The following RRAS2 variants were observed in gnomAD, a reference collection of about 807,000 sequenced individuals.
RRAS2 encodes ras-related protein R-Ras2.
In RRAS2, 7 loss-of-function variants were observed where a neutral mutation model predicts 27.6. The observed-to-expected ratio is 0.25, with a 90% CI of 0.14 to 0.48. RRAS2 has a LOEUF of 0.48. RRAS2 is among the 20% of genes least tolerant of loss of function. RRAS2 has a pLI of 0.99. For synonymous variants in RRAS2, 86 were observed against 90.9 expected (o/e 0.95, Z 0.31); for missense variants, 178 against 256.2 (o/e 0.69, Z 2.08).
At chr11:14,334,190 A>G (rs1201890489) in intron 1 of RRAS2, among the ~76,000 whole-genome samples, 4 of 152,204 alleles carry the variant, frequency 2.6e-5, no homozygotes, top group Non-Finnish European at 5.9e-5. Context: ...GCAGCACGAG[A>G]GTGCCCATTT....
At chr11:14,345,865 C>A (rs1591486997) in intron 1 of RRAS2, among the ~76,000 whole-genome samples, 1 of 152,134 alleles carries the variant, frequency 6.6e-6, no homozygotes, top group Admixed American at 6.5e-5. Context: ...AATCTCAGTA[C>A]CCCAAGGCAA....
intron 1 of RRAS2, chr11:14,356,757 T>A (rs1554955472): frequency 2.2e-6 from 1 of 453,060 alleles, no homozygotes; most frequent in South Asian, 1.6e-5. Context: ...AGGTATTTCT[T>A]CAACAAATGA....
At position 14,358,748 on chromosome 11, in the gene RRAS2, G is replaced by A. The variant is rs1200897074; in HGVS notation, c.108+15C>T. 15 of 1,386,990 alleles carry A rather than the reference G, an allele frequency of 1.1e-5. No homozygotes were observed. The highest frequency in any genetic ancestry group is 2.2e-5 in the Admixed American group (1 of 45,668). The allele number at this position is 1,386,990 out of a possible 1,614,324, so 85.9% of individuals were successfully genotyped here. A position where few individuals can be genotyped will look rare whatever the true frequency, so the allele number is the denominator to read the frequency against. On this transcript the variant is annotated intron_variant, in intron 1 of 5. Coordinates refer to ENST00000256196, the MANE Select transcript of RRAS2 (RefSeq NM_012250.6). The surrounding 1 kb of genome is among the most constrained non-coding windows in gnomAD (Gnocchi z 5.1). ...GCCGCCGCTCCGGCGCCCCGGGCAGGCCCGCTCCAGGTACCTGGATGAACT... is the reference window on the plus strand; with the variant it reads ...GCCGCCGCTCCGGCGCCCCGGGCAGACCCGCTCCAGGTACCTGGATGAACT...
rs1848718840 is a variant in RRAS2, at chr11:14,342,066, A to G, written c.108+16697T>C. ...AGTAGCCATCAATTGCAGTTTTAAT[A>G]GAAATACAAATACATCAAGTGTGCT... On this transcript the variant is annotated intron_variant, in intron 1 of 5. Coordinates refer to ENST00000256196, the MANE Select transcript of RRAS2 (RefSeq NM_012250.6). The G allele has an allele frequency of 6.5e-6, 4 of 611,846 alleles. No homozygotes were observed. In the South Asian group the frequency reaches 1.6e-4, roughly 25 times the overall value. 37.9% of individuals were successfully genotyped at this position (611,846 alleles called of 1,614,324 possible).
chr11:14,334,463 C>A (rs1848549946), intron 1 of RRAS2, among the ~76,000 whole-genome samples: 1 of 151,760 alleles, frequency 6.6e-6, no homozygotes, highest in South Asian at 2.1e-4. Context: ...ATATATAATT[C>A]TGATATATCC....
chr11:14,364,421 T>C (rs1849228040), exon 1 of RRAS2: 3 of 1,535,492 alleles, frequency 2.0e-6, no homozygotes, highest in Admixed American at 3.9e-5. Flanking sequence ...CATCCACTTA[T>C]TTCCTTAATG....
At chr11:14,361,052 G>A (rs1191590535), upstream of RRAS2, among the ~76,000 whole-genome samples, 8 of 151,290 alleles carry the variant, frequency 5.3e-5, no homozygotes, top group East Asian at 1.2e-3. Flanking sequence ...TCGGGAGGCC[G>A]AGGGAGGCGG....
intron 5 of RRAS2, among the ~76,000 whole-genome samples, chr11:14,280,283 TA>T (rs1229993570): frequency 3.3e-5 from 5 of 149,624 alleles, no homozygotes; most frequent in South Asian, 2.1e-4. Flanking sequence ...CTCTTACCAT[TA>T]AAAAAAAATG....
At chr11:14,287,136 C>T (rs1318667346) in intron 4 of RRAS2, among the ~76,000 whole-genome samples, 2 of 152,162 alleles carry the variant, frequency 1.3e-5, no homozygotes, top group African/African-American at 2.4e-5. Flanking sequence ...GAGCTCCCAT[C>T]ACACCATCTG....
At chr11:14,323,545 A>AC (rs1255647387) in intron 1 of RRAS2, among the ~76,000 whole-genome samples, 6 of 152,146 alleles carry the variant, frequency 3.9e-5, no homozygotes, top group African/African-American at 1.4e-4. Flanking sequence ...TCTTCCCCCC[A>AC]CCGGCACACA....
chr11:14,305,610 T>C (rs974555951), intron 1 of RRAS2, among the ~76,000 whole-genome samples: 1 of 152,082 alleles, frequency 6.6e-6, no homozygotes, highest in Non-Finnish European at 1.5e-5. Flanking sequence ...ACAAAAACAC[T>C]GTATCTCTCT....
At chr11:14,337,474 T>C (rs1848611237) in intron 1 of RRAS2, among the ~76,000 whole-genome samples, 1 of 152,176 alleles carries the variant, frequency 6.6e-6, no homozygotes, top group Non-Finnish European at 1.5e-5. Context: ...GCCTACATCA[T>C]TTACCTCACT....
chr11:14,336,104 G>T (rs1164273475), intron 1 of RRAS2, among the ~76,000 whole-genome samples: 1 of 152,164 alleles, frequency 6.6e-6, no homozygotes, highest in Non-Finnish European at 1.5e-5. Flanking sequence ...TGGCCAGCAT[G>T]AACCTCCTTC....
At chr11:14,364,499 T>C in exon 1 of RRAS2, 2 of 947,356 alleles carry the variant, frequency 2.1e-6, no homozygotes. Flanking sequence ...GCTGCATGCA[T>C]CTGAGATGAG....
chr11:14,335,380 AC>A (rs1848569532), intron 1 of RRAS2, among the ~76,000 whole-genome samples: 1 of 152,176 alleles, frequency 6.6e-6, no homozygotes, highest in South Asian at 2.1e-4. Context: ...AGGGATATAT[AC>A]CTTCATATGG....
chr11:14,362,164 C>T (rs542858437), upstream of RRAS2, among the ~76,000 whole-genome samples: 8 of 152,204 alleles, frequency 5.3e-5, no homozygotes, highest in African/African-American at 1.9e-4. Flanking sequence ...TTGCACAACT[C>T]TGTAAATATA....
intron 1 of RRAS2, among the ~76,000 whole-genome samples, chr11:14,316,136 C>A (rs1848098468): frequency 6.6e-6 from 1 of 152,176 alleles, no homozygotes; most frequent in Non-Finnish European, 1.5e-5. Context: ...AATTTTACGT[C>A]TCTGAACATA....
chr11:14,320,732 G>A (rs574156602), intron 1 of RRAS2, among the ~76,000 whole-genome samples: 1 of 152,082 alleles, frequency 6.6e-6, no homozygotes, highest in South Asian at 2.1e-4. Context: ...AAATAGGATG[G>A]ATTGGTAAAA....
intron 4 of RRAS2, 82 bp downstream of exon 4, chr11:14,294,380 TTTACTAGAC>T: frequency 1.1e-6 from 1 of 872,782 alleles, no homozygotes; most frequent in Non-Finnish European, 1.7e-6. Context: ...GTATTTTTTT[TTTACTAGAC>T]TTTCAATTAT....
Sources: gnomAD v4.1 joint callset for allele counts (sites outside exome capture counted in the v4.1 genomes callset) on GRCh38, gnomAD v4.1.1 for gene constraint, Gnocchi (gnomAD v3.1) non-coding constraint, MANE v1.5 for transcripts, NCBI Gene and HGNC (gene_info 2026-07-23, HGNC 2026-07-21) for gene names.